C6: variants seen among roughly 807,000 people sequenced by gnomAD.
C6 encodes the protein complement component C6.
A neutral mutation model predicts 112.9 loss-of-function variants in C6; 101 were observed. The ratio of observed to expected loss-of-function variants is 0.89; its 90% CI spans 0.76 to 1.06. The LOEUF (loss-of-function observed/expected upper bound fraction) is 1.06, where lower values mean the gene tolerates loss of function less well. C6 is among the 50% of genes least tolerant of loss of function. The probability of loss-of-function intolerance (pLI) is 0.00; values close to 1 mark genes in which losing one functional copy is unlikely to be tolerated. For synonymous variants in C6, 431 were observed against 384.1 expected (o/e 1.12, Z -1.43); for missense variants, 1,202 against 1,104.6 (o/e 1.09, Z -1.25).
chr5:41,218,262 G>T (rs935657684), upstream of C6, among the ~76,000 whole-genome samples: 2 of 152,034 alleles, frequency 1.3e-5, no homozygotes, highest in Admixed American at 6.6e-5. Flanking sequence ...ATGCAGTCAC[G>T]TATTCTCTTA....
chr5:41,171,309 G>A (rs1226046458), intron 9 of C6, among the ~76,000 whole-genome samples: 2 of 152,148 alleles, frequency 1.3e-5, no homozygotes, highest in African/African-American at 4.8e-5. Context: ...CCATCATCAA[G>A]GCTGGGACTG....
intron 1 of C6, among the ~76,000 whole-genome samples, chr5:41,223,951 A>G (rs1264326061): frequency 2.6e-5 from 4 of 152,178 alleles, no homozygotes; most frequent in African/African-American, 9.6e-5. Flanking sequence ...ATTTTGAACA[A>G]TAAAAGCAAA....
At chr5:41,245,622 T>G (rs538421071) in intron 1 of C6, among the ~76,000 whole-genome samples, 3 of 152,208 alleles carry the variant, frequency 2.0e-5, no homozygotes, top group South Asian at 4.1e-4. Flanking sequence ...GCAAAGTGGC[T>G]TTCAAAAAAA....
At chr5:41,217,756 C>T (rs1286342083), upstream of C6, among the ~76,000 whole-genome samples, 1 of 151,906 alleles carries the variant, frequency 6.6e-6, no homozygotes, top group African/African-American at 2.4e-5. Flanking sequence ...AAGTTTTGCC[C>T]CTTCTAGGAT....
chr5:41,152,633 A>G (rs185941695), intron 15 of C6: 4 of 152,076 alleles, frequency 2.6e-5, no homozygotes, highest in African/African-American at 9.7e-5. Flanking sequence ...CTTTCCTTCT[A>G]TTACCACCAT....
intron 1 of C6, among the ~76,000 whole-genome samples, chr5:41,243,992 T>C (rs978428624): frequency 6.6e-6 from 1 of 152,236 alleles, no homozygotes; most frequent in Non-Finnish European, 1.5e-5. Flanking sequence ...CCCAGTCTTA[T>C]CACCTTCCAT....
intron 1 of C6, among the ~76,000 whole-genome samples, chr5:41,260,457 C>A (rs972833087): frequency 2.2e-4 from 32 of 147,448 alleles, no homozygotes; most frequent in African/African-American, 7.7e-4. Context: ...AACCCCCCCC[C>A]AAAACAAACA....
At chr5:41,242,790 A>G (rs1023259214) in intron 1 of C6, among the ~76,000 whole-genome samples, 2 of 152,242 alleles carry the variant, frequency 1.3e-5, no homozygotes, top group Non-Finnish European at 2.9e-5. Context: ...AAGTATGTAC[A>G]CTCAATGGAA....
At chr5:41,182,577 C>T (rs1168971444) in intron 6 of C6, among the ~76,000 whole-genome samples, 1 of 152,192 alleles carries the variant, frequency 6.6e-6, no homozygotes, top group Non-Finnish European at 1.5e-5. Flanking sequence ...CCAATTATTT[C>T]ATCTATCTTC....
At chr5:41,255,708 A>G (rs1003855063) in intron 1 of C6, among the ~76,000 whole-genome samples, 2 of 152,228 alleles carry the variant, frequency 1.3e-5, no homozygotes, top group Non-Finnish European at 2.9e-5. Context: ...TTTACGTGCT[A>G]TAGGTCTGTC....
chr5:41,259,458 G>A (rs1741907810), intron 1 of C6, among the ~76,000 whole-genome samples: 1 of 149,272 alleles, frequency 6.7e-6, no homozygotes, highest in Non-Finnish European at 1.5e-5. Flanking sequence ...TATTTTTCAG[G>A]TCAGTCCAAT....
intron 17 of C6, among the ~76,000 whole-genome samples, chr5:41,146,084 T>C (rs1464442386): frequency 6.6e-6 from 1 of 152,216 alleles, no homozygotes; most frequent in African/African-American, 2.4e-5. Context: ...TGTCTAATGT[T>C]ACTCCTCCAA....
rs1015557586 is a variant in C6, at chr5:41,143,125, G to A, written c.2624-119C>T. 89 of 862,812 alleles carry A rather than the reference G, an allele frequency of 1.0e-4. No homozygotes were observed. In the South Asian group the frequency reaches 1.3e-3, roughly 13 times the overall value. The allele number at this position is 862,812 out of a possible 1,614,324, so 53.4% of individuals were successfully genotyped here. ...GGTGTTAAATTAAGTTTGGTCTAAA[G>A]CTTTCTCTAATGAATGAGAAAGCCA... On this transcript the variant is annotated intron_variant, in intron 17 of 17. Coordinates refer to ENST00000337836, the MANE Select transcript of C6 (RefSeq NM_000065.5).
chr5:41,149,462 C>G lies in C6; in HGVS notation c.2402G>C (p.Cys801Ser). 6.2e-7 allele frequency: 1 copy of G among 1,614,008 alleles called. No homozygotes were observed. Among genetic ancestry groups the G allele is most frequent in the Non-Finnish European group, 8.5e-7 (1 of 1,179,952 alleles). ...EDCSHHSEDLCVFDTDSNDYF... is the reference protein window; with the variant it reads ...EDCSHHSEDLSVFDTDSNDYF... The stretch of plus-strand genomic sequence containing the variant: ...ATCGTTGGAGTCTGTGTCAAACACA[C>G]AGAGATCTTCTGAATGATGGCTGCC... The change falls in exon 17 of 18, where the codon TGT (cysteine) becomes TCT (serine). Residue 801 changes from cysteine to serine, a missense_variant. Coordinates refer to ENST00000337836, the MANE Select transcript of C6 (RefSeq NM_000065.5).
chr5:41,181,810 A>G (rs1048946703), intron 6 of C6, among the ~76,000 whole-genome samples: 1 of 152,198 alleles, frequency 6.6e-6, no homozygotes, highest in Non-Finnish European at 1.5e-5. Context: ...CAGGAAATAT[A>G]AGACCCTGAG....
In C6 at chr5:41,191,706, C is replaced by T. The variant is rs986408557; in HGVS notation, c.587+4086G>A. Among the ~76,000 whole-genome samples the T allele has an allele frequency of 8.6e-5, 13 of 151,006 alleles. 1 individual carries two copies. The South Asian group carries it at 1.9e-3, about 22-fold the overall frequency. On this transcript the variant is annotated intron_variant, in intron 5 of 17. Transcript: ENST00000337836. ...CTCTTGATTTCTTTTCCCTCTAGCT[C>T]GTGATAATATATAGAAATGCTACAG... is the stretch of plus-strand genomic sequence containing the variant.
At chr5:41,147,721 TCTAA>T (rs1264295081) in intron 17 of C6, among the ~76,000 whole-genome samples, 3 of 152,190 alleles carry the variant, frequency 2.0e-5, no homozygotes, top group Admixed American at 2.0e-4. Context: ...AGGAAATATC[TCTAA>T]CTGTTTGGGT....
At chr5:41,189,695 A>G (rs1032050482) in intron 5 of C6, among the ~76,000 whole-genome samples, 2 of 152,082 alleles carry the variant, frequency 1.3e-5, no homozygotes, top group Admixed American at 1.3e-4. Flanking sequence ...CTGCAATGCT[A>G]TAGAACACTA....
chr5:41,173,825 T>A (rs1009121689), intron 8 of C6, among the ~76,000 whole-genome samples: 1 of 152,116 alleles, frequency 6.6e-6, no homozygotes, highest in African/African-American at 2.4e-5. Flanking sequence ...GAGTAAAAAA[T>A]TCTTGGTTTG....
Sources: gnomAD v4.1 joint callset for allele counts (sites outside exome capture counted in the v4.1 genomes callset) on GRCh38, gnomAD v4.1.1 for gene constraint, MANE v1.5 for transcripts, NCBI Gene and HGNC (gene_info 2026-07-23, HGNC 2026-07-21) for gene names.